RGPD1: variants seen among roughly 807,000 people sequenced by gnomAD.
The protein encoded by RGPD1 is RANBP2-like and GRIP domain-containing protein 1.
Under a neutral mutation model 40.6 loss-of-function variants are expected in RGPD1, and 7 were observed. The ratio of observed to expected loss-of-function variants is 0.17; its 90% CI spans 0.10 to 0.32. The LOEUF is 0.32. RGPD1 is among the 10% of genes least tolerant of loss of function. RGPD1 has a pLI of 1.00. For missense variants in RGPD1, 50 were observed against 472.5 expected (o/e 0.11, Z 8.29); for synonymous variants, 24 against 167.0 (o/e 0.14, Z 6.60).
upstream of RGPD1, among the ~76,000 whole-genome samples, chr2:86,937,340 T>A (rs1052682420): frequency 1.3e-5 from 2 of 151,854 alleles, no homozygotes; most frequent in Non-Finnish European, 2.9e-5. Context: ...TCAAGGGTCC[T>A]TCTGAGTCCA....
chr2:86,951,873 GTTTTT>G lies in RGPD1; in HGVS notation c.137+534_137+538del, dbSNP rs71269535. Among the ~76,000 whole-genome samples the G allele has an allele frequency of 7.7e-3, 390 of 50,962 alleles. 19 individuals are homozygous for G. The highest frequency in any genetic ancestry group is 0.047 in the African/African-American group (367 of 7,886). 33.4% of individuals were successfully genotyped at this position (50,962 alleles called of 152,430 possible). The stretch of plus-strand genomic sequence containing the variant: ...AGCAGGAAATTAAGAGGGAGGCAGG[GTTTTT>G]TTTTTTTTTTTTTTTTTTTTAGGCA... On this transcript the variant is annotated intron_variant, in intron 2 of 22. Coordinates refer to ENST00000641458, the MANE Select transcript of RGPD1 (RefSeq NM_001382344.1).
At chr2:86,938,324 G>A (rs1234080750), upstream of RGPD1, among the ~76,000 whole-genome samples, 11 of 117,522 alleles carry the variant, frequency 9.4e-5, no homozygotes, top group East Asian at 6.9e-4. Context: ...TGTAAATGCC[G>A]AAGGCCAAGT....
intron 1 of RGPD1, among the ~76,000 whole-genome samples, chr2:86,924,219 G>A (rs150897198): frequency 0.26 from 39,948 of 151,060 alleles, 6,261 homozygotes; most frequent in East Asian, 0.45. Flanking sequence ...GCAGTGGCAC[G>A]ATCTCGGCTC....
At chr2:86,939,253 GAA>G (rs1679556196), upstream of RGPD1, among the ~76,000 whole-genome samples, 1 of 136,780 alleles carries the variant, frequency 7.3e-6, no homozygotes, top group African/African-American at 2.9e-5. Flanking sequence ...ATCCAAAAGA[GAA>G]AAGTCTTTTG....
chr2:86,926,525 C>T (rs1292176570), intron 1 of RGPD1, among the ~76,000 whole-genome samples: 1 of 152,048 alleles, frequency 6.6e-6, no homozygotes, highest in South Asian at 2.1e-4. Flanking sequence ...ACATAAACAA[C>T]CTCCCCACCC....
At chr2:86,940,531 TCAAG>T (rs1287134633), upstream of RGPD1, among the ~76,000 whole-genome samples, 2 of 121,506 alleles carry the variant, frequency 1.6e-5, no homozygotes, top group Non-Finnish European at 3.4e-5. Context: ...ACTCCTGGCC[TCAAG>T]CAATCCACCC....
At chr2:86,914,418 GGGCGGCGGCGGCGGCGGCGGCGGCGGC>G (rs1175704937) in intron 1 of RGPD1, among the ~76,000 whole-genome samples, 2 of 9,836 alleles carry the variant, frequency 2.0e-4, no homozygotes, top group Non-Finnish European at 3.8e-4. Flanking sequence ...CGACCTGGCC[GGGCGGCGGCGGCGGCGGCGGCGGCGGC>G]GGCGGCGGCG....
intron 1 of RGPD1, among the ~76,000 whole-genome samples, chr2:86,924,248 C>G (rs1342947016): frequency 6.6e-6 from 1 of 152,054 alleles, no homozygotes; most frequent in African/African-American, 2.4e-5. Context: ...CTCTGACTCC[C>G]AAGTTCAGGC....
chr2:86,919,578 A>G (rs1677987527), intron 1 of RGPD1, among the ~76,000 whole-genome samples: 1 of 108,198 alleles, frequency 9.2e-6, no homozygotes, highest in Non-Finnish European at 1.7e-5. Context: ...GAGCACTGCC[A>G]GCATGTTTCT....
chr2:86,931,942 T>C (rs1203408533), intron 1 of RGPD1, among the ~76,000 whole-genome samples: 1 of 148,310 alleles, frequency 6.7e-6, no homozygotes, highest in Non-Finnish European at 1.5e-5. Flanking sequence ...TATATATATT[T>C]ATGTATTATA....
chr2:86,926,831 A>G (rs918337449), intron 1 of RGPD1, among the ~76,000 whole-genome samples: 5 of 152,036 alleles, frequency 3.3e-5, no homozygotes, highest in Non-Finnish European at 5.9e-5. Context: ...TATTATTTTC[A>G]GTCTTGCAAT....
intron 1 of RGPD1, among the ~76,000 whole-genome samples, chr2:86,942,890 T>G (rs1035536129): frequency 1.3e-4 from 20 of 151,808 alleles, no homozygotes; most frequent in Non-Finnish European, 2.5e-4. Context: ...TCTTCCTCTT[T>G]CTCCCGGTTT....
At chr2:86,923,390 G>A (rs944745602) in intron 1 of RGPD1, among the ~76,000 whole-genome samples, 4 of 151,400 alleles carry the variant, frequency 2.6e-5, no homozygotes, top group Non-Finnish European at 5.9e-5. Flanking sequence ...AAATTGTGGT[G>A]TAATTTACAA....
At chr2:86,942,545 C>G (rs1457563099) in intron 1 of RGPD1, among the ~76,000 whole-genome samples, 1 of 127,568 alleles carries the variant, frequency 7.8e-6, no homozygotes, top group Non-Finnish European at 1.7e-5. Context: ...GGCCGGGCGG[C>G]GGCGGCGGCC....
At chr2:86,930,925 T>A (rs1386183449) in intron 1 of RGPD1, among the ~76,000 whole-genome samples, 14 of 107,796 alleles carry the variant, frequency 1.3e-4, no homozygotes, top group Non-Finnish European at 2.6e-4. Flanking sequence ...TATCTGAGCA[T>A]ATACATCCCC....
intron 1 of RGPD1, among the ~76,000 whole-genome samples, chr2:86,923,330 G>C (rs1678177862): frequency 6.6e-6 from 1 of 151,688 alleles, no homozygotes; most frequent in Non-Finnish European, 1.5e-5. Flanking sequence ...ATGAGCCACT[G>C]CACCTGGCCT....
chr2:86,942,355 C>CGGCCTCGACCTGGCGGGGCGGT, intron 1 of RGPD1, 47 bp downstream of exon 1: 1 of 1,302,986 alleles, frequency 7.7e-7, no homozygotes, highest in East Asian at 3.3e-5. Flanking sequence ...GGCCGGGCGG[C>CGGCCTCGACCTGGCGGGGCGGT]GGCCTCGACC....
chr2:86,915,356 T>G (rs1677744391), intron 1 of RGPD1, among the ~76,000 whole-genome samples: 1 of 149,660 alleles, frequency 6.7e-6, no homozygotes, highest in Non-Finnish European at 1.5e-5. Context: ...TTAGGAATTT[T>G]CACTGCTGGT....
chr2:86,915,104 T>C (rs1269295200), intron 1 of RGPD1, among the ~76,000 whole-genome samples: 2 of 150,008 alleles, frequency 1.3e-5, no homozygotes, highest in Non-Finnish European at 3.0e-5. Context: ...GAGACCAGCC[T>C]GGCCAACGTG....
Sources: allele counts gnomAD v4.1 joint callset (sites outside exome capture counted in the v4.1 genomes callset), GRCh38; gene constraint gnomAD v4.1.1; transcripts MANE v1.5; gene names NCBI Gene and HGNC (gene_info 2026-07-23, HGNC 2026-07-21).